Variants in HGD observed in about 807,000 individuals in gnomAD.
HGD encodes the protein homogentisate 1,2-dioxygenase.
Under a neutral mutation model 60.8 loss-of-function variants are expected in HGD, and 61 were observed. The ratio of observed to expected loss-of-function variants is 1.00; its 90% confidence interval spans 0.82 to 1.24. The LOEUF is 1.24. Among genes scored for constraint, HGD ranks in the 50% most tolerant of loss-of-function variants. The pLI, the probability that HGD is intolerant of heterozygous loss-of-function variation, is 0.00. For missense variants in HGD, 542 were observed against 547.1 expected (o/e 0.99, Z 0.09); for synonymous variants, 212 against 187.7 (o/e 1.13, Z -1.06).
intron 10 of HGD, chr3:120,641,920 C>T: frequency 3.6e-6 from 2 of 548,028 alleles, no homozygotes; most frequent in South Asian, 4.0e-5. Flanking sequence ...GCTGCAGCTG[C>T]CTTCTGATCA....
intron 1 of HGD, among the ~76,000 whole-genome samples, chr3:120,680,123 G>A (rs1708206543): frequency 6.6e-6 from 1 of 152,144 alleles, no homozygotes; most frequent in Non-Finnish European, 1.5e-5. Context: ...AAGGTTGGGA[G>A]AAGCTAAGCA....
At chr3:120,651,141 G>T (rs1379915071) in intron 5 of HGD, among the ~76,000 whole-genome samples, 1 of 152,142 alleles carries the variant, frequency 6.6e-6, no homozygotes, top group Non-Finnish European at 1.5e-5. Context: ...TTCATTACTT[G>T]GTATTTTATC....
rs139658593 is a variant in HGD, at chr3:120,640,534, A to G, written c.879+1055T>C. On this transcript the variant is annotated intron_variant, in intron 11 of 13. Coordinates refer to ENST00000283871, the MANE Select transcript of HGD (RefSeq NM_000187.4). ...GACAGTGGTGGCATGATCAGAACTG[A>G]ATTTTGGAAAAATAACTATTGCAGC... is the stretch of plus-strand genomic sequence containing the variant. 8.5e-3 allele frequency among the ~76,000 whole-genome samples: 1,295 copies of G among 152,346 alleles called. 4 individuals carry two copies. Among genetic ancestry groups the G allele is most frequent in the South Asian group, 0.035 (171 of 4,832 alleles).
At position 120,628,422 on chromosome 3, in the gene HGD, G is replaced by T. The variant is rs756009394; in HGVS notation, c.1296C>A (p.Ser432Arg). The change falls in exon 14 of 14, where the codon AGC (serine) becomes AGA (arginine). Residue 432 changes from serine to arginine, a missense_variant. Transcript: ENST00000283871. ...NYHKCWEPLK[S>R]HFTPNSRNPA... ...GGTTCCTGGAGTTGGGAGTGAAGTG[G>T]CTCTTGAGTGGCTCCCAGCACTTGT... is the stretch of plus-strand genomic sequence containing the variant. 9 of 1,613,878 alleles carry T rather than the reference G, an allele frequency of 5.6e-6. No individual in the cohort carries two copies. The South Asian group carries it at 9.9e-5, about 18-fold the overall frequency.
intron 12 of HGD, among the ~76,000 whole-genome samples, chr3:120,637,878 A>G (rs995279448): frequency 6.6e-6 from 1 of 152,166 alleles, no homozygotes; most frequent in Non-Finnish European, 1.5e-5. Flanking sequence ...GTTTGGATGT[A>G]TGTTCCCTCC....
intron 3 of HGD, among the ~76,000 whole-genome samples, chr3:120,674,056 A>C (rs1315876346): frequency 6.6e-6 from 1 of 152,134 alleles, no homozygotes; most frequent in Non-Finnish European, 1.5e-5. Context: ...TTTTTTACTT[A>C]CTATCTCATT....
chr3:120,658,834 C>T (rs565765888), intron 4 of HGD, among the ~76,000 whole-genome samples: 1 of 152,360 alleles, frequency 6.6e-6, no homozygotes, highest in African/African-American at 2.4e-5. Flanking sequence ...AGTCTTAACA[C>T]CACATGGAAG....
At chr3:120,657,045 G>C (rs1023498160) in intron 4 of HGD, among the ~76,000 whole-genome samples, 2 of 151,982 alleles carry the variant, frequency 1.3e-5, no homozygotes, top group African/African-American at 4.8e-5. Flanking sequence ...CTGACTTTCT[G>C]TTCAGTTGTT....
rs907641206 is a variant in HGD at position 120,628,375 on chromosome 3, C to T, written c.*5G>A. The T allele has an allele frequency of 3.1e-6, 5 of 1,613,634 alleles. No individual in the cohort carries two copies. The highest frequency in any genetic ancestry group is 4.2e-6 in the Non-Finnish European group (5 of 1,179,712). On this transcript the variant is annotated 3_prime_UTR_variant, in exon 14 of 14. Coordinates refer to ENST00000283871, the MANE Select transcript of HGD (RefSeq NM_000187.4). Reference sequence around the variant, plus strand: ...ACTCTTAATTATGGTAGCAATGTTCCAGTCTCAATTAGGTTCTGCTGGGTT... The same window carrying T: ...ACTCTTAATTATGGTAGCAATGTTCTAGTCTCAATTAGGTTCTGCTGGGTT...
chr3:120,632,089 C>A (rs113975133), intron 13 of HGD, among the ~76,000 whole-genome samples: 3,021 of 152,198 alleles, frequency 0.02, 91 homozygotes, highest in African/African-American at 0.069. Flanking sequence ...ACAGAAACTC[C>A]ATAGAGGCCC....
At chr3:120,643,548 G>A (rs991253108) in intron 10 of HGD, among the ~76,000 whole-genome samples, 1 of 152,200 alleles carries the variant, frequency 6.6e-6, no homozygotes, top group Non-Finnish European at 1.5e-5. Flanking sequence ...TTAATTTTAA[G>A]TGCCAAACTG....
Position 120,670,516 on chromosome 3 carries a change from G to T in HGD, c.193C>A (p.Leu65Ile). 6.3e-7 allele frequency: 1 copy of T among 1,598,584 alleles called. No homozygotes were observed. Among genetic ancestry groups the T allele is most frequent in the Non-Finnish European group, 8.6e-7 (1 of 1,165,970 alleles). The change falls in exon 4 of 14, where the codon CTA (leucine) becomes ATA (isoleucine). Residue 65 changes from leucine to isoleucine, a missense_variant. This residue lies in a region of HGD where 537 missense variants were observed against 529.1 expected (regional missense o/e 1.01). Coordinates refer to ENST00000283871, the MANE Select transcript of HGD (RefSeq NM_000187.4). ...TNKRSWLYRI[L>I]PSVSHKPFES... ...AAGGGCTTGTGAGAAACTGAAGGTA[G>T]AATCCTATACAGCCAGCTAGAGGGA...
rs774374625 is a variant in HGD, at chr3:120,638,499, C to T, written c.962G>A (p.Arg321Gln). The T allele has an allele frequency of 1.2e-5, 19 of 1,613,758 alleles. No homozygotes were observed. The highest frequency in any genetic ancestry group is 3.3e-5 in the South Asian group (3 of 91,072). Residue 321 changes from arginine (R) to glutamine (Q), a missense_variant, in exon 12 of 14, where the codon CGA (arginine) becomes CAA (glutamine). Physicochemically the swap from Arg to Gln is conservative, Grantham distance 43. Around this residue, in one of 2 missense-constraint regions of HGD, gnomAD observed 537 missense variants for 529.1 expected, o/e 1.01. Transcript: ENST00000283871. ...GAAGGTCTTATCAGCAACCCCCCATCGAGGTGGGAAGATGACAAAATCAGC... is the reference window on the plus strand; with the variant it reads ...GAAGGTCTTATCAGCAACCCCCCATTGAGGTGGGAAGATGACAAAATCAGC... ...AIADFVIFPPRWGVADKTFRP... is the reference protein window; with the variant it reads ...AIADFVIFPPQWGVADKTFRP...
intron 4 of HGD, among the ~76,000 whole-genome samples, chr3:120,669,752 A>G (rs1161618020): frequency 6.6e-6 from 1 of 152,172 alleles, no homozygotes; most frequent in East Asian, 1.9e-4. Flanking sequence ...TAGTGTCTGC[A>G]CTGGAATCTC....
intron 1 of HGD, among the ~76,000 whole-genome samples, chr3:120,678,782 A>G (rs1237622669): frequency 6.6e-6 from 1 of 152,230 alleles, no homozygotes; most frequent in Non-Finnish European, 1.5e-5. Context: ...AGTTTATTGC[A>G]GCTTTAAAAT....
intron 6 of HGD, 89 bp from the exon 7 acceptor site, chr3:120,648,000 A>G (rs1193954335): frequency 9.3e-6 from 10 of 1,075,932 alleles, no homozygotes; most frequent in Non-Finnish European, 1.4e-5. Context: ...TTTAGTGCCT[A>G]TGTAGCAAGC....
At chr3:120,679,543 T>G (rs1458186401) in intron 1 of HGD, among the ~76,000 whole-genome samples, 1 of 152,126 alleles carries the variant, frequency 6.6e-6, no homozygotes, top group Non-Finnish European at 1.5e-5. Context: ...CCAAACAGAC[T>G]TTTGCATATA....
At chr3:120,655,765 G>A (rs1044018160) in intron 4 of HGD, among the ~76,000 whole-genome samples, 1 of 152,220 alleles carries the variant, frequency 6.6e-6, no homozygotes, top group Non-Finnish European at 1.5e-5. Flanking sequence ...GTGCACTGAA[G>A]ACTTGGTTTT....
intron 7 of HGD, 41 bp downstream of exon 7, chr3:120,647,836 G>A (rs758680702): frequency 1.5e-5 from 23 of 1,507,304 alleles, no homozygotes; most frequent in Non-Finnish European, 1.9e-5. Context: ...GCGGTTAGGG[G>A]TCAATTAACA....
Sources: allele counts gnomAD v4.1 joint callset (sites outside exome capture counted in the v4.1 genomes callset), GRCh38; gene constraint gnomAD v4.1.1; regional missense constraint gnomAD v4.1.1; transcripts MANE v1.5; gene names NCBI Gene and HGNC (gene_info 2026-07-23, HGNC 2026-07-21).